The following PIK3R4 variants were observed in gnomAD, a reference collection of about 807,000 sequenced individuals.
PIK3R4 encodes phosphoinositide-3-kinase regulatory subunit 4.
Under a neutral mutation model 136.5 loss-of-function variants are expected in PIK3R4, and 46 were observed. The observed-to-expected ratio is 0.34, with a 90% CI of 0.27 to 0.43. The LOEUF is 0.43. Ranked by LOEUF, PIK3R4 falls within the 20% of genes least tolerant of loss-of-function variation. The pLI is 1.00. For missense variants in PIK3R4, 1,331 were observed against 1,649.5 expected (o/e 0.81, Z 3.35); for synonymous variants, 557 against 566.7 (o/e 0.98, Z 0.24).
In PIK3R4 at chr3:130,703,804, G is replaced by A. The variant is rs778159244; in HGVS notation, c.3017C>T (p.Ser1006Leu). Residue 1006 changes from serine (S) to leucine (L), a missense_variant, in exon 13 of 20, where the codon TCA (serine) becomes TTA (leucine). Ser to Leu is a moderately radical substitution (Grantham distance 145, BLOSUM62 -2). Transcript: ENST00000356763. The stretch of plus-strand genomic sequence containing the variant: ...ATCATTTGAACATGTTGCAAAAAGT[G>A]AGTGTTCATCAGAGACTCTAATTCG... ...VNRIRVSDEH[S>L]LFATCSNDGT... is the part of the protein sequence containing the mutation. 2.7e-5 allele frequency: 44 copies of A among 1,612,410 alleles called. No homozygotes were observed. Among genetic ancestry groups the A allele is most frequent in the Non-Finnish European group, 3.5e-5 (41 of 1,178,564 alleles).
At chr3:130,690,812 C>A (rs1006867506) in intron 13 of PIK3R4, among the ~76,000 whole-genome samples, 158 bp from the exon 14 acceptor site, 11 of 151,990 alleles carry the variant, frequency 7.2e-5, no homozygotes, top group African/African-American at 1.9e-4. Flanking sequence ...AGAACTGTTA[C>A]AAAAATTGCC....
chr3:130,741,716 C>T (rs571951872), intron 2 of PIK3R4, among the ~76,000 whole-genome samples: 1 of 152,210 alleles, frequency 6.6e-6, no homozygotes, highest in East Asian at 1.9e-4. Context: ...TTCTTATTTA[C>T]TTGTTTATTC....
intron 9 of PIK3R4, among the ~76,000 whole-genome samples, chr3:130,712,060 C>T (rs1019042134): frequency 2.0e-5 from 3 of 152,066 alleles, no homozygotes; most frequent in African/African-American, 7.2e-5. Flanking sequence ...CTAATGAAAA[C>T]AGCCCTTCCA....
chr3:130,710,096 A>G (rs1037895965), intron 9 of PIK3R4, among the ~76,000 whole-genome samples: 2 of 152,182 alleles, frequency 1.3e-5, no homozygotes, highest in African/African-American at 4.8e-5. Context: ...ATTACAAGAA[A>G]GGAAAACTAT....
intron 13 of PIK3R4, among the ~76,000 whole-genome samples, chr3:130,698,321 C>G (rs988898071): frequency 1.3e-5 from 2 of 152,154 alleles, no homozygotes; most frequent in Admixed American, 6.5e-5. Context: ...CCTACTGGAA[C>G]TTTTATTATG....
chr3:130,719,596 G>A (rs112400592), intron 7 of PIK3R4, among the ~76,000 whole-genome samples: 74 of 152,214 alleles, frequency 4.9e-4, no homozygotes, highest in African/African-American at 1.7e-3. Context: ...TATTTTCCCT[G>A]TGATAAGAGG....
In PIK3R4 at chr3:130,744,815, G is replaced by C; in HGVS notation, c.404C>G (p.Ala135Gly). The change falls in exon 2 of 20, where the codon GCT becomes GGT. Residue 135 changes from alanine (A) to glycine (G), a missense_variant. This residue lies in a region of PIK3R4 where 151 missense variants were observed against 242.5 expected (regional missense o/e 0.62). Coordinates refer to ENST00000356763, the MANE Select transcript of PIK3R4 (RefSeq NM_014602.3). ...KRWIAFQILT[A>G]VDQAHKSGVR... ...TCCAGATTTGTGTGCTTGGTCCACA[G>C]CTGTCAGGATCTGGAAAGCAATCCA... The C allele has an allele frequency of 6.2e-7, 1 of 1,614,208 alleles. No individual in the cohort carries two copies. Among genetic ancestry groups the C allele is most frequent in the Non-Finnish European group, 8.5e-7 (1 of 1,180,016 alleles).
Position 130,680,594 on chromosome 3 carries a change from A to C in PIK3R4, c.3906+19T>G. 1 of 1,339,762 alleles carries C rather than the reference A, an allele frequency of 7.5e-7. No individual in the cohort carries two copies. Among genetic ancestry groups the C allele is most frequent in the Non-Finnish European group, 1.1e-6 (1 of 940,866 alleles). The allele number at this position is 1,339,762 out of a possible 1,614,324, so 83.0% of individuals were successfully genotyped here. On this transcript the variant is annotated intron_variant, in intron 19 of 19. Coordinates refer to ENST00000356763, the MANE Select transcript of PIK3R4 (RefSeq NM_014602.3). ...GTTTGTGCTTACAAAAGGTGAAAGGAATGAAAAGACTACAGTACCTGGACA... is the reference window on the plus strand; with the variant it reads ...GTTTGTGCTTACAAAAGGTGAAAGGCATGAAAAGACTACAGTACCTGGACA...
At chr3:130,681,272 T>A (rs760145380) in intron 17 of PIK3R4, among the ~76,000 whole-genome samples, 3 of 152,154 alleles carry the variant, frequency 2.0e-5, no homozygotes, top group Non-Finnish European at 4.4e-5. Flanking sequence ...CAAAGAGACA[T>A]CACAAGCTTT....
intron 13 of PIK3R4, 30 bp downstream of exon 13, chr3:130,703,693 T>C: frequency 6.5e-7 from 1 of 1,534,132 alleles, no homozygotes; most frequent in Non-Finnish European, 9.0e-7. Flanking sequence ...TTTGAATTAA[T>C]GAACTGATTC....
chr3:130,680,535 AT>A (rs1470518856), intron 19 of PIK3R4, 77 bp downstream of exon 19: 3 of 701,810 alleles, frequency 4.3e-6, no homozygotes. Context: ...TGGTCAAGCC[AT>A]TTATTTTAAT....
rs1406518851 is a variant in PIK3R4 at position 130,681,666 on chromosome 3, T to A, written c.3608-75A>T. 87 of 845,682 alleles carry A rather than the reference T, an allele frequency of 1.0e-4. No individual in the cohort carries two copies. The East Asian group carries it at 2.1e-3, about 21-fold the overall frequency. The allele number at this position is 845,682 out of a possible 1,614,324, so 52.4% of individuals were successfully genotyped here. ...AAGATTACAACAAAACAAATTGCAG[T>A]CCTGAGAGAAAGAAAGAAAAATTTC... On this transcript the variant is annotated intron_variant, in intron 16 of 19. Transcript: ENST00000356763.
chr3:130,728,798 G>T, intron 5 of PIK3R4, 114 bp from the exon 6 acceptor site: 1 of 678,272 alleles, frequency 1.5e-6, no homozygotes, highest in Non-Finnish European at 2.3e-6. Flanking sequence ...CAGAGAGACT[G>T]ATTACAGAAT....
intron 13 of PIK3R4, among the ~76,000 whole-genome samples, chr3:130,691,787 T>A (rs1323501414): frequency 6.6e-6 from 1 of 151,928 alleles, no homozygotes; most frequent in Non-Finnish European, 1.5e-5. Context: ...AGGTTTTCTA[T>A]ACATATTACA....
chr3:130,722,400 C>G (rs570801277), intron 7 of PIK3R4, among the ~76,000 whole-genome samples: 1 of 152,134 alleles, frequency 6.6e-6, no homozygotes, highest in South Asian at 2.1e-4. Flanking sequence ...ATAGCAAGGT[C>G]CAGAAAAATC....
At chr3:130,694,292 A>C (rs1003192577) in intron 13 of PIK3R4, among the ~76,000 whole-genome samples, 11 of 151,870 alleles carry the variant, frequency 7.2e-5, no homozygotes, top group Admixed American at 1.3e-4. Flanking sequence ...TTTTAGGATC[A>C]GATCATCGAT....
At chr3:130,713,301 T>C (rs1212908793) in intron 9 of PIK3R4, among the ~76,000 whole-genome samples, 3 of 152,158 alleles carry the variant, frequency 2.0e-5, no homozygotes, top group Admixed American at 2.0e-4. Flanking sequence ...GCACCAGAAA[T>C]AACATAAAAT....
At chr3:130,708,142 A>C (rs1275650475) in intron 10 of PIK3R4, 149 bp downstream of exon 10, 6 of 630,720 alleles carry the variant, frequency 9.5e-6, no homozygotes, top group Admixed American at 9.2e-5. Flanking sequence ...TCTTCCCCAA[A>C]ATCTCCCTGC....
At chr3:130,720,774 C>G (rs554710135) in intron 7 of PIK3R4, among the ~76,000 whole-genome samples, 59 of 152,228 alleles carry the variant, frequency 3.9e-4, no homozygotes, top group African/African-American at 1.2e-3. Flanking sequence ...GAGAAAAGCC[C>G]CAATGAAGAG....
Sources: allele counts gnomAD v4.1 joint callset (sites outside exome capture counted in the v4.1 genomes callset), GRCh38; gene constraint gnomAD v4.1.1; regional missense constraint gnomAD v4.1.1; transcripts MANE v1.5; gene names NCBI Gene and HGNC (gene_info 2026-07-23, HGNC 2026-07-21).